The following ABCC1 variants were observed in gnomAD, a reference collection of about 807,000 sequenced individuals.
The protein encoded by ABCC1 is ATP binding cassette subfamily C member 1 (ABCC1 blood group).
Under a neutral mutation model 172.9 loss-of-function variants are expected in ABCC1, and 83 were observed. The observed-to-expected ratio is 0.48, with a 90% CI of 0.40 to 0.58. The LOEUF is 0.58. Among genes scored for constraint, ABCC1 ranks in the 20% least tolerant of loss-of-function variants. The pLI is 0.00. For synonymous variants in ABCC1, 937 were observed against 825.2 expected, an observed-to-expected ratio of 1.14 and a Z score of -2.32; for missense variants, 1,817 against 2,002.7, an observed-to-expected ratio of 0.91 and a Z score of 1.77.
At chr16:16,076,153 G>A (rs1308897098) in intron 14 of ABCC1, 173 bp from the exon 15 acceptor site, 2 of 628,352 alleles carry the variant, frequency 3.2e-6, no homozygotes, top group Non-Finnish European at 5.5e-6. Flanking sequence ...CTCCAGAACT[G>A]CAGGTTGAGT....
chr16:16,110,896 C>G (rs1485335836), intron 21 of ABCC1, among the ~76,000 whole-genome samples: 1 of 151,962 alleles, frequency 6.6e-6, no homozygotes, highest in Non-Finnish European at 1.5e-5. Context: ...AGGGCAGAGA[C>G]CCTGAGTTTG....
chr16:16,074,250 C>T (rs1022812453), intron 14 of ABCC1, among the ~76,000 whole-genome samples: 1 of 152,138 alleles, frequency 6.6e-6, no homozygotes, highest in African/African-American at 2.4e-5. Flanking sequence ...CAGACATTGC[C>T]AGATGTGCCT....
intron 1 of ABCC1, among the ~76,000 whole-genome samples, chr16:15,990,807 G>A (rs1333022929): frequency 2.8e-5 from 4 of 142,438 alleles, no homozygotes; most frequent in Non-Finnish European, 6.1e-5. Context: ...CTGCCGCCAC[G>A]CCCGGCTAAT....
In ABCC1 at chr16:16,076,197, G is replaced by C. The variant is rs140076220; in HGVS notation, c.1913-129G>C. On this transcript the variant is annotated intron_variant, in intron 14 of 30. Coordinates refer to ENST00000399410, the MANE Select transcript of ABCC1 (RefSeq NM_004996.4). ...TCAGAACCCGTGGCTGATGTCACCA[G>C]ATAATAATGCCTAGCGCCATTCGTG... 70 of 868,642 alleles carry C rather than the reference G, an allele frequency of 8.1e-5. No homozygotes were observed. The African/African-American group carries it at 1.2e-3, about 14-fold the overall frequency. 53.8% of individuals were successfully genotyped at this position (868,642 alleles called of 1,614,324 possible). A position where few individuals can be genotyped will look rare whatever the true frequency, so the allele number is the denominator to read the frequency against.
intron 3 of ABCC1, among the ~76,000 whole-genome samples, chr16:16,012,459 G>A (rs1319015544): frequency 6.7e-6 from 1 of 150,156 alleles, no homozygotes; most frequent in Non-Finnish European, 1.5e-5. Context: ...TGGGCTCTGT[G>A]TTCTGGCAGT....
intron 26 of ABCC1, 51 bp downstream of exon 26, chr16:16,125,962 C>A: frequency 7.1e-7 from 1 of 1,416,154 alleles, no homozygotes; most frequent in Non-Finnish European, 9.9e-7. Context: ...TAGCTTTACC[C>A]CAAGGAGATC....
chr16:15,995,977 GTTT>G (rs565769136), intron 1 of ABCC1, among the ~76,000 whole-genome samples: 1 of 98,602 alleles, frequency 1.0e-5, no homozygotes, highest in Admixed American at 1.2e-4. Flanking sequence ...GCCCAGCTAA[GTTT>G]TTTTTTTTTT....
intron 12 of ABCC1, among the ~76,000 whole-genome samples, chr16:16,056,978 C>A (rs182642352): frequency 6.6e-6 from 1 of 152,014 alleles, no homozygotes; most frequent in Admixed American, 6.6e-5. Context: ...ACCAACTGGT[C>A]ACAAAGTGTG....
At chr16:15,992,846 C>T (rs1244546827) in intron 1 of ABCC1, among the ~76,000 whole-genome samples, 1 of 152,222 alleles carries the variant, frequency 6.6e-6, no homozygotes, top group African/African-American at 2.4e-5. Flanking sequence ...TTGGTGACTT[C>T]TCCCGCCCAA....
chr16:16,048,389 A>C (rs2049302452), intron 10 of ABCC1, 86 bp downstream of exon 10: 1 of 1,507,798 alleles, frequency 6.6e-7, no homozygotes, highest in African/African-American at 1.4e-5. Flanking sequence ...TGTTGATGGT[A>C]ATGGCATGTA....
chr16:15,993,757 T>A (rs1414615152), intron 1 of ABCC1, among the ~76,000 whole-genome samples: 1 of 3,282 alleles, frequency 3.0e-4, no homozygotes. Context: ...CATGCGGGGG[T>A]GGGTGGGTGG....
At position 16,071,692 on chromosome 16, in the gene ABCC1, G is replaced by A. The variant is rs1354749081; in HGVS notation, c.1875G>A (p.Leu625=). The change falls in exon 14 of 31, where the codon CTG becomes CTA. Residue 625 remains leucine, a synonymous_variant. Transcript: ENST00000399410. The part of the protein sequence containing the change: ...RLRIFLSHEE[L]EPDSIERRPV... ...GGATCTTTCTCTCCCATGAGGAGCT[G>A]GAACCTGACAGCATCGAGCGACGGC... 2 of 1,614,040 alleles carry A rather than the reference G, an allele frequency of 1.2e-6. No individual in the cohort carries two copies. Among genetic ancestry groups the A allele is most frequent in the South Asian group, 1.1e-5 (1 of 91,018 alleles).
chr16:15,979,499 T>G (rs779944139), intron 1 of ABCC1, among the ~76,000 whole-genome samples: 1 of 119,332 alleles, frequency 8.4e-6, no homozygotes, highest in Non-Finnish European at 1.7e-5. Flanking sequence ...ATTCTCTCTC[T>G]CTCTCTCTTT....
In ABCC1 at chr16:16,114,826, G is replaced by A. The variant is rs13337489; in HGVS notation, c.3140G>A (p.Cys1047Tyr). The change falls in exon 23 of 31, where the codon TGT (cysteine) becomes TAT (tyrosine). Residue 1047 changes from cysteine to tyrosine, a missense_variant. Cys to Tyr is a radical substitution (Grantham distance 194, BLOSUM62 -2). Coordinates refer to ENST00000399410, the MANE Select transcript of ABCC1 (RefSeq NM_004996.4). ...VSIGGILASR[C>Y]LHVDLLHSIL... ...ATCGGGGGGATCTTGGCTTCCCGCT[G>A]TCTGCACGTGGACCTGCTGCACAGC... The A allele has an allele frequency of 2.3e-5, 37 of 1,610,820 alleles. No individual in the cohort carries two copies. Among genetic ancestry groups the A allele is most frequent in the Admixed American group, 8.3e-5 (5 of 59,952 alleles).
chr16:16,089,027 C>T (rs769859416), intron 18 of ABCC1, among the ~76,000 whole-genome samples: 1 of 152,152 alleles, frequency 6.6e-6, no homozygotes, highest in Non-Finnish European at 1.5e-5. Context: ...AAAGCATCGT[C>T]TACAGCTGCT....
chr16:16,069,153 AAAAT>A (rs2050227896), intron 13 of ABCC1, among the ~76,000 whole-genome samples: 3 of 136,464 alleles, frequency 2.2e-5, no homozygotes, highest in Non-Finnish European at 3.2e-5. Flanking sequence ...AAAAAAAAAT[AAAAT>A]AAAATAAAAT....
intron 23 of ABCC1, among the ~76,000 whole-genome samples, chr16:16,116,015 G>T (rs2152098480): frequency 6.6e-6 from 1 of 151,692 alleles, no homozygotes; most frequent in East Asian, 1.9e-4. Flanking sequence ...CCATTCTCCT[G>T]CCTCAGCCTC....
chr16:16,129,650 G>A (rs774020784), intron 26 of ABCC1, among the ~76,000 whole-genome samples: 1 of 151,250 alleles, frequency 6.6e-6, no homozygotes, highest in Admixed American at 6.6e-5. Flanking sequence ...TGATCGTCGT[G>A]TCTCAACCTC....
At chr16:15,966,431 G>A (rs1398655425) in intron 1 of ABCC1, among the ~76,000 whole-genome samples, 1 of 150,186 alleles carries the variant, frequency 6.7e-6, no homozygotes, top group Non-Finnish European at 1.5e-5. Flanking sequence ...AAAAAGTCAG[G>A]CTTTTCTAGG....
Sources: allele counts gnomAD v4.1 joint callset (sites outside exome capture counted in the v4.1 genomes callset), GRCh38; gene constraint gnomAD v4.1.1; transcripts MANE v1.5; gene names NCBI Gene and HGNC (gene_info 2026-07-23, HGNC 2026-07-21).